The following IQSEC1 variants were observed in gnomAD, a reference collection of about 807,000 sequenced individuals.
The protein encoded by IQSEC1 is IQ motif and Sec7 domain ArfGEF 1, also known as IQ motif and SEC7 domain-containing protein 1.
In IQSEC1, 31 loss-of-function variants were observed where a neutral mutation model predicts 91.0. That is an observed-to-expected ratio of 0.34 (90% confidence interval 0.26 to 0.46). The LOEUF (loss-of-function observed/expected upper bound fraction) is 0.46. Ranked by LOEUF, IQSEC1 falls within the 20% of genes least tolerant of loss-of-function variation. IQSEC1 has a pLI of 1.00. For missense variants in IQSEC1, 1,388 were observed against 1,575.6 expected (o/e 0.88, Z 2.02); for synonymous variants, 699 against 662.6 (o/e 1.05, Z -0.84).
At chr3:13,243,902 CCA>C (rs1277050164) in intron 1 of IQSEC1, among the ~76,000 whole-genome samples, 1 of 152,268 alleles carries the variant, frequency 6.6e-6, no homozygotes, top group Non-Finnish European at 1.5e-5. Flanking sequence ...GCCCTCAGGG[CCA>C]GAGTCCCTCC....
intron 1 of IQSEC1, among the ~76,000 whole-genome samples, chr3:13,053,408 A>G (rs1704764757): frequency 6.6e-6 from 1 of 152,054 alleles, no homozygotes; most frequent in Non-Finnish European, 1.5e-5. Flanking sequence ...ATTCCAGAAC[A>G]CCCTGTGCTT....
chr3:13,214,184 G>A lies in IQSEC1; in HGVS notation c.273-50051C>T, dbSNP rs545319818. 5.5e-4 allele frequency among the ~76,000 whole-genome samples: 83 copies of A among 152,282 alleles called. No individual in the cohort carries two copies. Among genetic ancestry groups the A allele is most frequent in the Non-Finnish European group, 1.0e-3 (68 of 68,032 alleles). ...AAAGGGTCCCAACCCTTAACGCGAC[G>A]AACCCCTCTCTTACCCTTCTAGTCG... is the stretch of plus-strand genomic sequence containing the variant. On this transcript the variant is annotated intron_variant, in intron 1 of 15. Coordinates refer to the IQSEC1 transcript ENST00000648114. The surrounding 1 kb of genome is among the most constrained non-coding windows in gnomAD (Gnocchi z 4.5).
In IQSEC1 at chr3:12,947,988, T is replaced by C. The variant is rs528277410; in HGVS notation, c.24-6123A>G. The stretch of plus-strand genomic sequence containing the variant: ...GATCACAACTTGAAGAGTTTCCTCC[T>C]GCTGCCCCGCCCCACCCAGGCTTTC... On this transcript the variant is annotated intron_variant, in intron 1 of 13. Coordinates refer to ENST00000613206, the MANE Select transcript of IQSEC1 (RefSeq NM_001134382.3). Among the ~76,000 whole-genome samples the C allele has an allele frequency of 2.0e-5, 3 of 152,384 alleles. No homozygotes were observed. In the South Asian group the frequency reaches 6.2e-4, roughly 32 times the overall value.
Position 13,030,392 on chromosome 3 carries a change from G to A in IQSEC1, c.23+42600C>T, listed in dbSNP as rs7632425. On this transcript the variant is annotated intron_variant, in intron 1 of 13. Coordinates refer to ENST00000613206, the MANE Select transcript of IQSEC1 (RefSeq NM_001134382.3). ...CTGGATTATAGGCATGAGCCACCAC[G>A]CTCAGCTTCGCCCCACCTTTATGGT... Among the ~76,000 whole-genome samples the A allele has an allele frequency of 7.3e-3, 1,107 of 152,290 alleles. 6 individuals are homozygous for A. The highest frequency in any genetic ancestry group is 0.024 in the African/African-American group (1,014 of 41,556).
At chr3:13,078,481 C>T (rs1705597782) in intron 2 of IQSEC1, among the ~76,000 whole-genome samples, 2 of 152,160 alleles carry the variant, frequency 1.3e-5, no homozygotes, top group South Asian at 4.1e-4. Flanking sequence ...AACCCTGCAC[C>T]TCTCAGCAGG....
At chr3:13,187,195 A>C (rs1348419470) in intron 1 of IQSEC1, among the ~76,000 whole-genome samples, 1 of 152,176 alleles carries the variant, frequency 6.6e-6, no homozygotes, top group African/African-American at 2.4e-5. Context: ...GTTAGGCACT[A>C]TACTAAATGG....
In IQSEC1 at chr3:13,210,907, C is replaced by T. The variant is rs188837813; in HGVS notation, c.273-46774G>A. Among the ~76,000 whole-genome samples, 443 of 152,358 alleles carry T rather than the reference C, an allele frequency of 2.9e-3. 3 individuals carry two copies. The highest frequency in any genetic ancestry group is 9.9e-3 in the African/African-American group (412 of 41,566). ...TGAAAGGAACATGGCCAGTCAATGA[C>T]TCCGGGAGGCCGAGTGGGAGGCGAG... On this transcript the variant is annotated intron_variant, in intron 1 of 15. Transcript: ENST00000648114.
intron 1 of IQSEC1, among the ~76,000 whole-genome samples, chr3:13,216,377 C>G (rs1694550720): frequency 6.6e-6 from 1 of 152,210 alleles, no homozygotes; most frequent in African/African-American, 2.4e-5. Flanking sequence ...CAGCAGGGGA[C>G]AGGGGGCCCT....
intron 7 of IQSEC1, 28 bp from the exon 8 acceptor site, chr3:12,915,161 G>A (rs1375513650): frequency 3.7e-6 from 6 of 1,603,808 alleles, no homozygotes; most frequent in Admixed American, 1.7e-5. Context: ...ACCAACAAAA[G>A]GGTGTTCATG....
chr3:13,153,891 C>T (rs1470083291), intron 2 of IQSEC1, among the ~76,000 whole-genome samples: 4 of 152,034 alleles, frequency 2.6e-5, no homozygotes, highest in African/African-American at 4.8e-5. Context: ...GGAAACCACA[C>T]GTGCAAAGAG....
rs149003329 is a variant in IQSEC1 at position 12,909,425 on chromosome 3, T to C, written c.2426A>G (p.Asn809Ser). ...GACAGACGAGGTGAGCCGGATGCCA[T>C]TGGGGTAGTCTGCAAAAGGGAAGGA... ...VLLFENQYYPNGIRLTSSVPG... is the reference protein window; with the variant it reads ...VLLFENQYYPSGIRLTSSVPG... Residue 809 changes from asparagine to serine, a missense_variant, in exon 11 of 14, where the codon AAT (asparagine) becomes AGT (serine). Asn to Ser is a conservative substitution (Grantham distance 46, BLOSUM62 1). This residue lies in a region of IQSEC1 where 1,059 missense variants were observed against 1,317.8 expected (regional missense o/e 0.80). Coordinates refer to ENST00000613206, the MANE Select transcript of IQSEC1 (RefSeq NM_001134382.3). The surrounding 1 kb of genome is among the most constrained non-coding windows in gnomAD (Gnocchi z 4.9). The C allele has an allele frequency of 3.8e-5, 61 of 1,613,758 alleles. No individual in the cohort carries two copies. The highest frequency in any genetic ancestry group is 2.7e-4 in the African/African-American group (20 of 75,018).
intron 2 of IQSEC1, among the ~76,000 whole-genome samples, chr3:13,124,718 C>T (rs1706482244): frequency 6.6e-6 from 1 of 152,176 alleles, no homozygotes. Flanking sequence ...GGGGGCCCCG[C>T]CCATCAGACC....
intron 1 of IQSEC1, among the ~76,000 whole-genome samples, chr3:13,269,769 G>A (rs753026465): frequency 6.6e-6 from 1 of 152,280 alleles, no homozygotes; most frequent in Non-Finnish European, 1.5e-5. Flanking sequence ...AGAAGTGACA[G>A]AGCCCAGTCT....
chr3:13,066,989 C>T (rs1326405977), intron 1 of IQSEC1, among the ~76,000 whole-genome samples: 1 of 152,230 alleles, frequency 6.6e-6, no homozygotes, highest in Admixed American at 6.5e-5. Flanking sequence ...CCTCCCACTC[C>T]CAGTCCCCTG....
chr3:13,132,742 T>C (rs771637471), intron 2 of IQSEC1, among the ~76,000 whole-genome samples: 2 of 152,222 alleles, frequency 1.3e-5, no homozygotes, highest in African/African-American at 4.8e-5. Flanking sequence ...ATCTTGTCCA[T>C]GTGGATGTTT....
chr3:13,051,350 G>A (rs1157971207), intron 1 of IQSEC1, among the ~76,000 whole-genome samples: 3 of 152,132 alleles, frequency 2.0e-5, no homozygotes, highest in Admixed American at 6.5e-5. Context: ...CTACACCCTG[G>A]CACTGCTTCT....
At chr3:13,228,237 C>T (rs886634357) in intron 1 of IQSEC1, among the ~76,000 whole-genome samples, 5 of 152,234 alleles carry the variant, frequency 3.3e-5, no homozygotes, top group East Asian at 3.9e-4. Context: ...CTTTACAAGG[C>T]GCATAGGAAC....
At chr3:12,912,466 C>T (rs1050236055) in intron 9 of IQSEC1, among the ~76,000 whole-genome samples, 2 of 152,176 alleles carry the variant, frequency 1.3e-5, no homozygotes, top group Non-Finnish European at 2.9e-5. Context: ...AGGATTTGAA[C>T]TTACACGTCT....
intron 1 of IQSEC1, chr3:13,022,531 C>A: frequency 2.2e-6 from 2 of 910,094 alleles, no homozygotes; most frequent in Non-Finnish European, 2.6e-6. Context: ...GCTGCCGGAG[C>A]CCAGGGGCTG....
Sources: gnomAD v4.1 joint callset for allele counts (sites outside exome capture counted in the v4.1 genomes callset) on GRCh38, gnomAD v4.1.1 for gene constraint, gnomAD v4.1.1 regional missense constraint, Gnocchi (gnomAD v3.1) non-coding constraint, MANE v1.5 for transcripts, NCBI Gene and HGNC (gene_info 2026-07-23, HGNC 2026-07-21) for gene names.